ATF7: variants seen among roughly 807,000 people sequenced by gnomAD.
ATF7 encodes the protein activating transcription factor 7.
A neutral mutation model predicts 50.4 loss-of-function variants in ATF7; 10 were observed. The ratio of observed to expected loss-of-function variants is 0.20; its 90% CI spans 0.12 to 0.34. ATF7 has a LOEUF of 0.34. Among genes scored for constraint, ATF7 ranks in the 10% least tolerant of loss-of-function variants. The pLI is 1.00. For synonymous variants in ATF7, 201 were observed against 226.4 expected, an observed-to-expected ratio of 0.89 and a Z score of 1.01; for missense variants, 465 against 613.9, an observed-to-expected ratio of 0.76 and a Z score of 2.56.
intron 1 of ATF7, among the ~76,000 whole-genome samples, chr12:53,611,587 A>G (rs553157194): frequency 6.6e-6 from 1 of 152,146 alleles, no homozygotes; most frequent in East Asian, 1.9e-4. Flanking sequence ...TAGTTTTTAC[A>G]TTTTTCTTTT....
intron 2 of ATF7, among the ~76,000 whole-genome samples, chr12:53,567,857 C>T (rs879382561): frequency 1.1e-4 from 17 of 152,156 alleles, no homozygotes; most frequent in Admixed American, 7.9e-4. Context: ...ATCACACAGC[C>T]CTATTAAGTT....
At chr12:53,531,660 T>C (rs1410933754) in intron 9 of ATF7, 84 bp downstream of exon 9, 1 of 1,396,296 alleles carries the variant, frequency 7.2e-7, no homozygotes, top group Non-Finnish European at 9.5e-7. Context: ...AGTCCATTCT[T>C]CTCTAATTTT....
In ATF7 at chr12:53,513,524, A is replaced by G. The variant is rs188039018; in HGVS notation, c.*3613T>C. The G allele has an allele frequency of 2.9e-4, 44 of 152,260 alleles. No homozygotes were observed. The highest frequency in any genetic ancestry group is 1.1e-3 in the African/African-American group (44 of 41,542). 9.4% of individuals were successfully genotyped at this position (152,260 alleles called of 1,614,324 possible). A position where few individuals can be genotyped will look rare whatever the true frequency, so the allele number is the denominator to read the frequency against. ...CATTAAGTCTAAAGAAAGCAGAAAG[A>G]GCATATCAACAAGGCATATGTGATA... On this transcript the variant is annotated 3_prime_UTR_variant, in exon 12 of 12. Coordinates refer to ENST00000420353, the MANE Select transcript of ATF7 (RefSeq NM_006856.3).
intron 2 of ATF7, among the ~76,000 whole-genome samples, chr12:53,578,059 A>G (rs908651093): frequency 6.6e-6 from 1 of 152,154 alleles, no homozygotes. Context: ...AGAAAACCCT[A>G]TCAGCCTAGA....
intron 3 of ATF7, among the ~76,000 whole-genome samples, chr12:53,546,616 T>G (rs377594486): frequency 1.3e-5 from 2 of 151,176 alleles, no homozygotes; most frequent in Non-Finnish European, 3.0e-5. Context: ...GCCCGGCTAA[T>G]TTTTTGTATT....
At chr12:53,545,865 C>T (rs1939871014) in intron 3 of ATF7, among the ~76,000 whole-genome samples, 1 of 151,892 alleles carries the variant, frequency 6.6e-6, no homozygotes, top group Non-Finnish European at 1.5e-5. Context: ...CAAGACCAGC[C>T]TGGGCAACAT....
chr12:53,569,681 AT>A lies in ATF7; in HGVS notation c.49-17045del, dbSNP rs60334028. ...TTGTAGATGTTCAAATTTTTTTTTAATTTTTTTTTTTGAGATGGAGTCTCGC... is the reference window on the plus strand; with the variant it reads ...TTGTAGATGTTCAAATTTTTTTTTAATTTTTTTTTTGAGATGGAGTCTCGC... On this transcript the variant is annotated intron_variant, in intron 2 of 11. Transcript: ENST00000420353. 1.0e-4 allele frequency among the ~76,000 whole-genome samples: 15 copies of A among 148,054 alleles called. No individual in the cohort carries two copies. In the South Asian group the frequency reaches 1.1e-3, roughly 11 times the overall value.
intron 3 of ATF7, among the ~76,000 whole-genome samples, chr12:53,545,984 G>A (rs1939878896): frequency 6.6e-6 from 1 of 152,050 alleles, no homozygotes; most frequent in African/African-American, 2.4e-5. Flanking sequence ...CCTGAGGTCG[G>A]GAGTTTGAGA....
At chr12:53,616,951 A>G (rs1352041097) in intron 1 of ATF7, among the ~76,000 whole-genome samples, 2 of 151,976 alleles carry the variant, frequency 1.3e-5, no homozygotes, top group Non-Finnish European at 2.9e-5. Context: ...TCTCCAAAAA[A>G]AAAAAAAAAA....
At chr12:53,619,502 AAG>A in intron 1 of ATF7, among the ~76,000 whole-genome samples, 2 of 150,478 alleles carry the variant, frequency 1.3e-5, no homozygotes, top group Non-Finnish European at 3.0e-5. Flanking sequence ...AAAAAAAAAA[AAG>A]AAAAAAAAAA....
At chr12:53,585,549 TA>T in intron 2 of ATF7, among the ~76,000 whole-genome samples, 1 of 151,980 alleles carries the variant, frequency 6.6e-6, no homozygotes, top group Non-Finnish European at 1.5e-5. Context: ...AGGAAGAGCA[TA>T]AATGAAAAAA....
chr12:53,571,992 G>A (rs971805692), intron 2 of ATF7, among the ~76,000 whole-genome samples: 2 of 151,880 alleles, frequency 1.3e-5, no homozygotes, highest in African/African-American at 2.4e-5. Flanking sequence ...GCTTGAACCT[G>A]AGAGACGGAG....
chr12:53,539,136 G>T (rs1216744755), intron 4 of ATF7, among the ~76,000 whole-genome samples: 1 of 152,196 alleles, frequency 6.6e-6, no homozygotes, highest in Non-Finnish European at 1.5e-5. Flanking sequence ...CAGGCAGGAG[G>T]ATACACCAAG....
At chr12:53,523,512 T>C (rs1938248573) in intron 10 of ATF7, 128 bp from the exon 11 acceptor site, 1 of 684,944 alleles carries the variant, frequency 1.5e-6, no homozygotes, top group African/African-American at 1.8e-5. Flanking sequence ...ACAAGACTCC[T>C]GATCCAGCAA....
At chr12:53,613,272 A>G (rs1314349264) in intron 1 of ATF7, among the ~76,000 whole-genome samples, 1 of 152,076 alleles carries the variant, frequency 6.6e-6, no homozygotes, top group Non-Finnish European at 1.5e-5. Context: ...ACATATCTTA[A>G]CAGATTGAAT....
chr12:53,571,252 C>T (rs563973011), intron 2 of ATF7, among the ~76,000 whole-genome samples: 2 of 152,064 alleles, frequency 1.3e-5, no homozygotes, highest in African/African-American at 4.8e-5. Context: ...CAGGAGGATA[C>T]GGTCCTCTTT....
chr12:53,517,039 T>C lies in ATF7; in HGVS notation c.*98A>G. 7.6e-7 allele frequency: 1 copy of C among 1,316,676 alleles called. No homozygotes were observed. Among genetic ancestry groups the C allele is most frequent in the South Asian group, 1.2e-5 (1 of 80,550 alleles). The allele number at this position is 1,316,676 out of a possible 1,614,324, so 81.6% of individuals were successfully genotyped here. ...CAACACACAATTCCCCCCACCCATA[T>C]TGCCATGTCCAAGGCAGATGGGAGG... On this transcript the variant is annotated 3_prime_UTR_variant, in exon 12 of 12. Transcript: ENST00000420353.
At chr12:53,608,756 G>A (rs1027680730) in intron 1 of ATF7, among the ~76,000 whole-genome samples, 1 of 152,028 alleles carries the variant, frequency 6.6e-6, no homozygotes, top group African/African-American at 2.4e-5. Flanking sequence ...CAGTTACCAC[G>A]TTTCAGACTC....
At chr12:53,625,049 C>T (rs1944549865) in intron 1 of ATF7, among the ~76,000 whole-genome samples, 1 of 152,200 alleles carries the variant, frequency 6.6e-6, no homozygotes, top group Non-Finnish European at 1.5e-5. Context: ...CTTAATATGA[C>T]ATGACCCTCA....
Sources: allele counts gnomAD v4.1 joint callset (sites outside exome capture counted in the v4.1 genomes callset), GRCh38; gene constraint gnomAD v4.1.1; transcripts MANE v1.5; gene names NCBI Gene and HGNC (gene_info 2026-07-23, HGNC 2026-07-21).